Variants in FOXE3 observed in about 807,000 individuals in gnomAD.
FOXE3 encodes the protein forkhead box protein E3.
For missense variants in FOXE3, 520 were observed against 507.8 expected, an observed-to-expected ratio of 1.02 and a Z score of -0.23; for synonymous variants, 274 against 258.3, an observed-to-expected ratio of 1.06 and a Z score of -0.58.
chr1:47,417,003 G>T lies in FOXE3; in HGVS notation c.688G>T (p.Ala230Ser). 7.4e-7 allele frequency: 1 copy of T among 1,346,928 alleles called. No homozygotes were observed. Among genetic ancestry groups the T allele is most frequent in the Non-Finnish European group, 9.6e-7 (1 of 1,043,470 alleles). 83.4% of individuals were successfully genotyped at this position (1,346,928 alleles called of 1,614,324 possible). A position where few individuals can be genotyped will look rare whatever the true frequency, so the allele number is the denominator to read the frequency against. The part of the protein sequence containing the change: ...DSLVNLQPEL[A>S]GLGAPEPPCC... ...CCTGGTGAACCTGCAGCCGGAGCTA[G>T]CGGGGCTGGGCGCCCCCGAGCCGCC... Residue 230 changes from alanine (A) to serine (S), a missense_variant, in exon 1 of 1, where the codon GCG (alanine) becomes TCG (serine). By Grantham distance (99) the Ala-to-Ser change is moderately conservative. Transcript: ENST00000335071. This position sits in a 1 kb window ranked among gnomAD's most constrained non-coding sequence, Gnocchi z 4.3.
chr1:47,417,392 C>A lies in FOXE3; in HGVS notation c.*117C>A. 1 of 845,576 alleles carries A rather than the reference C, an allele frequency of 1.2e-6. No individual in the cohort carries two copies. Among genetic ancestry groups the A allele is most frequent in the Non-Finnish European group, 1.6e-6 (1 of 626,442 alleles). 52.4% of individuals were successfully genotyped at this position (845,576 alleles called of 1,614,324 possible). A position where few individuals can be genotyped will look rare whatever the true frequency, so the allele number is the denominator to read the frequency against. On this transcript the variant is annotated 3_prime_UTR_variant, in exon 1 of 1. Transcript: ENST00000335071. This position sits in a 1 kb window ranked among gnomAD's most constrained non-coding sequence, Gnocchi z 4.3. ...TTGGAGCACACCCTGCGCCTCTCGTCGTGGCCTCCTGGACTCAAACTCCTG... is the reference window on the plus strand; with the variant it reads ...TTGGAGCACACCCTGCGCCTCTCGTAGTGGCCTCCTGGACTCAAACTCCTG...
chr1:47,417,287 G>C lies in FOXE3; in HGVS notation c.*12G>C. On this transcript the variant is annotated 3_prime_UTR_variant, in exon 1 of 1. Coordinates refer to ENST00000335071, the MANE Select transcript of FOXE3 (RefSeq NM_012186.3). The surrounding 1 kb of genome is among the most constrained non-coding windows in gnomAD (Gnocchi z 4.3). ...AGCGCTACCTGTGAGCCTGCGCCGC[G>C]CGGGCAGGCACCTGTGCGACCTGTG... 1 of 1,343,728 alleles carries C rather than the reference G, an allele frequency of 7.4e-7. No individual in the cohort carries two copies. The highest frequency in any genetic ancestry group is 9.5e-7 in the Non-Finnish European group (1 of 1,048,328). 83.2% of individuals were successfully genotyped at this position (1,343,728 alleles called of 1,614,324 possible).
rs2124043930 is a variant in FOXE3, at chr1:47,417,000, C to A, written c.685C>A (p.Leu229Ile). The change falls in exon 1 of 1, where the codon CTA (leucine) becomes ATA (isoleucine). Residue 229 changes from leucine (L) to isoleucine (I), a missense_variant. Physicochemically the swap from Leu to Ile is conservative, Grantham distance 5. Transcript: ENST00000335071. This position sits in a 1 kb window ranked among gnomAD's most constrained non-coding sequence, Gnocchi z 4.2. ...CAGCCTGGTGAACCTGCAGCCGGAGCTAGCGGGGCTGGGCGCCCCCGAGCC... is the reference window on the plus strand; with the variant it reads ...CAGCCTGGTGAACCTGCAGCCGGAGATAGCGGGGCTGGGCGCCCCCGAGCC... ...VDSLVNLQPE[L>I]AGLGAPEPPC... The A allele has an allele frequency of 1.5e-6, 2 of 1,352,102 alleles. No individual in the cohort carries two copies. Among genetic ancestry groups the A allele is most frequent in the Non-Finnish European group, 1.9e-6 (2 of 1,045,838 alleles). The allele number at this position is 1,352,102 out of a possible 1,614,324, so 83.8% of individuals were successfully genotyped here. A position where few individuals can be genotyped will look rare whatever the true frequency, so the allele number is the denominator to read the frequency against.
In FOXE3 at chr1:47,417,410, A is replaced by G; in HGVS notation, c.*135A>G. ...CTCTCGTCGTGGCCTCCTGGACTCAAACTCCTGCTACATCCTTCTCCGTCC... is the reference window on the plus strand; with the variant it reads ...CTCTCGTCGTGGCCTCCTGGACTCAGACTCCTGCTACATCCTTCTCCGTCC... On this transcript the variant is annotated 3_prime_UTR_variant, in exon 1 of 1. Transcript: ENST00000335071. The surrounding 1 kb of genome is among the most constrained non-coding windows in gnomAD (Gnocchi z 4.3). The G allele has an allele frequency of 1.6e-6, 1 of 624,026 alleles. No homozygotes were observed. The highest frequency in any genetic ancestry group is 5.2e-4 in the Middle Eastern group (1 of 1,910). The allele number at this position is 624,026 out of a possible 1,614,324, so 38.7% of individuals were successfully genotyped here.
At position 47,416,625 on chromosome 1, in the gene FOXE3, C is replaced by T. The variant is rs755377651; in HGVS notation, c.310C>T (p.Arg104Cys). Residue 104 changes from arginine to cysteine, a missense_variant, in exon 1 of 1, where the codon CGC becomes TGC. By Grantham distance (180) the Arg-to-Cys change is radical. Transcript: ENST00000335071. This position sits in a 1 kb window ranked among gnomAD's most constrained non-coding sequence, Gnocchi z 4.2. Reference protein sequence around the residue: ...LAAIYRFITERFAFYRDSPRK... With the variant: ...LAAIYRFITECFAFYRDSPRK... ...CGCCATCTACCGCTTCATCACCGAA[C>T]GCTTTGCCTTCTACCGCGACAGCCC... 1.9e-6 allele frequency: 3 copies of T among 1,610,446 alleles called. No homozygotes were observed. The highest frequency in any genetic ancestry group is 2.5e-6 in the Non-Finnish European group (3 of 1,178,246).
chr1:47,416,933 C>A lies in FOXE3; in HGVS notation c.618C>A (p.Ala206=). 7.6e-7 allele frequency: 1 copy of A among 1,323,096 alleles called. No homozygotes were observed. The highest frequency in any genetic ancestry group is 9.7e-7 in the Non-Finnish European group (1 of 1,028,770). 82.0% of individuals were successfully genotyped at this position (1,323,096 alleles called of 1,614,324 possible). A position where few individuals can be genotyped will look rare whatever the true frequency, so the allele number is the denominator to read the frequency against. Residue 206 remains alanine (A), a synonymous_variant, in exon 1 of 1, where the codon GCC becomes GCA. Coordinates refer to ENST00000335071, the MANE Select transcript of FOXE3 (RefSeq NM_012186.3). The surrounding 1 kb of genome is among the most constrained non-coding windows in gnomAD (Gnocchi z 4.2). ...GPALLVPPPS[A]GPGPSPPARL... Reference sequence around the variant, plus strand: ...CGCTGCTGGTGCCGCCGCCTTCTGCCGGACCGGGCCCCTCGCCGCCCGCGC... The same window carrying A: ...CGCTGCTGGTGCCGCCGCCTTCTGCAGGACCGGGCCCCTCGCCGCCCGCGC...
chr1:47,417,033 T>C lies in FOXE3; in HGVS notation c.718T>C (p.Cys240Arg). The change falls in exon 1 of 1, where the codon TGC becomes CGC. Residue 240 changes from cysteine (C) to arginine (R), a missense_variant. Physicochemically the swap from Cys to Arg is radical, Grantham distance 180. Transcript: ENST00000335071. The surrounding 1 kb of genome is among the most constrained non-coding windows in gnomAD (Gnocchi z 4.3). Reference sequence around the variant, plus strand: ...GCTGGGCGCCCCCGAGCCGCCCTGCTGCGCCGCGCCCGACGCCGCAGCCGC... The same window carrying C: ...GCTGGGCGCCCCCGAGCCGCCCTGCCGCGCCGCGCCCGACGCCGCAGCCGC... ...AGLGAPEPPC[C>R]AAPDAAAAAF... 7.6e-7 allele frequency: 1 copy of C among 1,322,854 alleles called. No individual in the cohort carries two copies. Among genetic ancestry groups the C allele is most frequent in the Non-Finnish European group, 9.7e-7 (1 of 1,035,798 alleles). 81.9% of individuals were successfully genotyped at this position (1,322,854 alleles called of 1,614,324 possible).
Position 47,417,406 on chromosome 1 carries a change from C to T in FOXE3, c.*131C>T. 1.5e-6 allele frequency: 1 copy of T among 662,926 alleles called. No individual in the cohort carries two copies. 41.1% of individuals were successfully genotyped at this position (662,926 alleles called of 1,614,324 possible). On this transcript the variant is annotated 3_prime_UTR_variant, in exon 1 of 1. Transcript: ENST00000335071. This position sits in a 1 kb window ranked among gnomAD's most constrained non-coding sequence, Gnocchi z 4.3. ...GCGCCTCTCGTCGTGGCCTCCTGGA[C>T]TCAAACTCCTGCTACATCCTTCTCC...
In FOXE3 at chr1:47,416,381, C is replaced by A; in HGVS notation, c.66C>A (p.Val22=). The A allele has an allele frequency of 1.5e-6, 2 of 1,344,856 alleles. No homozygotes were observed. Among genetic ancestry groups the A allele is most frequent in the South Asian group, 3.5e-5 (2 of 56,550 alleles). 83.3% of individuals were successfully genotyped at this position (1,344,856 alleles called of 1,614,324 possible). A position where few individuals can be genotyped will look rare whatever the true frequency, so the allele number is the denominator to read the frequency against. The change falls in exon 1 of 1, where the codon GTC becomes GTA. Residue 22 remains valine (V), a synonymous_variant. Coordinates refer to ENST00000335071, the MANE Select transcript of FOXE3 (RefSeq NM_012186.3). This position sits in a 1 kb window ranked among gnomAD's most constrained non-coding sequence, Gnocchi z 4.2. ...AFSGFPALPA[V]APSGPPPSPL... ...CTGGCTTCCCTGCCCTGCCAGCGGTCGCGCCGTCGGGGCCGCCGCCGTCGC... is the reference window on the plus strand; with the variant it reads ...CTGGCTTCCCTGCCCTGCCAGCGGTAGCGCCGTCGGGGCCGCCGCCGTCGC...
Position 47,416,289 on chromosome 1 carries a change from C to T in FOXE3, c.-27C>T. On this transcript the variant is annotated 5_prime_UTR_variant, in exon 1 of 1. Transcript: ENST00000335071. This position sits in a 1 kb window ranked among gnomAD's most constrained non-coding sequence, Gnocchi z 4.2. ...GTCGGCGGCCCCTGCGGTCCCGGAGCCGCGCGGGCAGGGGCTGCCGCAGCC... is the reference window on the plus strand; with the variant it reads ...GTCGGCGGCCCCTGCGGTCCCGGAGTCGCGCGGGCAGGGGCTGCCGCAGCC... 3 of 1,272,478 alleles carry T rather than the reference C, an allele frequency of 2.4e-6. No homozygotes were observed. The highest frequency in any genetic ancestry group is 2.0e-6 in the Non-Finnish European group (2 of 1,010,174). 78.8% of individuals were successfully genotyped at this position (1,272,478 alleles called of 1,614,324 possible). A position where few individuals can be genotyped will look rare whatever the true frequency, so the allele number is the denominator to read the frequency against.
In FOXE3 at chr1:47,417,171, C is replaced by T. The variant is rs1415571044; in HGVS notation, c.856C>T (p.Leu286Phe). The T allele has an allele frequency of 1.4e-6, 2 of 1,391,524 alleles. No homozygotes were observed. Among genetic ancestry groups the T allele is most frequent in the South Asian group, 1.6e-5 (1 of 62,802 alleles). 86.2% of individuals were successfully genotyped at this position (1,391,524 alleles called of 1,614,324 possible). ...PGPGPLPAEP[L>F]LALAGPAAAL... ...CCCCGGCCCGCTGCCCGCTGAGCCC[C>T]TCCTGGCCTTGGCCGGGCCGGCAGC... is the stretch of plus-strand genomic sequence containing the variant. Residue 286 changes from leucine (L) to phenylalanine (F), a missense_variant, in exon 1 of 1, where the codon CTC (leucine) becomes TTC (phenylalanine). Transcript: ENST00000335071. This position sits in a 1 kb window ranked among gnomAD's most constrained non-coding sequence, Gnocchi z 4.3.
At position 47,417,395 on chromosome 1, in the gene FOXE3, G is replaced by C; in HGVS notation, c.*120G>C. The C allele has an allele frequency of 1.2e-6, 1 of 820,492 alleles. No individual in the cohort carries two copies. Among genetic ancestry groups the C allele is most frequent in the Non-Finnish European group, 1.7e-6 (1 of 603,900 alleles). 50.8% of individuals were successfully genotyped at this position (820,492 alleles called of 1,614,324 possible). A position where few individuals can be genotyped will look rare whatever the true frequency, so the allele number is the denominator to read the frequency against. On this transcript the variant is annotated 3_prime_UTR_variant, in exon 1 of 1. Transcript: ENST00000335071. The surrounding 1 kb of genome is among the most constrained non-coding windows in gnomAD (Gnocchi z 4.3). The stretch of plus-strand genomic sequence containing the variant: ...GAGCACACCCTGCGCCTCTCGTCGT[G>C]GCCTCCTGGACTCAAACTCCTGCTA...
At position 47,417,110 on chromosome 1, in the gene FOXE3, C is replaced by T. The variant is rs1452905558; in HGVS notation, c.795C>T (p.Val265=). The T allele has an allele frequency of 7.1e-6, 10 of 1,399,844 alleles. No homozygotes were observed. In the East Asian group the frequency reaches 2.9e-4, roughly 41 times the overall value. The allele number at this position is 1,399,844 out of a possible 1,614,324, so 86.7% of individuals were successfully genotyped here. Residue 265 remains valine, a synonymous_variant, in exon 1 of 1, where the codon GTC becomes GTT. Transcript: ENST00000335071. The surrounding 1 kb of genome is among the most constrained non-coding windows in gnomAD (Gnocchi z 4.3). The part of the protein sequence containing the change: ...AAASPPLYSQ[V]PDRLVLPATR... ...CCTCCCCGCCACTCTACTCGCAGGT[C>T]CCCGACCGCCTGGTACTGCCCGCGA...
chr1:47,416,773 A>G lies in FOXE3; in HGVS notation c.458A>G (p.Asp153Gly), dbSNP rs1211039273. The G allele has an allele frequency of 6.3e-7, 1 of 1,599,486 alleles. No homozygotes were observed. The highest frequency in any genetic ancestry group is 2.3e-5 in the East Asian group (1 of 43,438). Residue 153 changes from aspartate to glycine, a missense_variant, in exon 1 of 1, where the codon GAC (aspartate) becomes GGC (glycine). Physicochemically the swap from Asp to Gly is moderately conservative, Grantham distance 94 (BLOSUM62 -1). Transcript: ENST00000335071. The surrounding 1 kb of genome is among the most constrained non-coding windows in gnomAD (Gnocchi z 4.2). Reference sequence around the variant, plus strand: ...TGGACGCTGGACCCCGCGGCCGCAGACATGTTCGACAACGGCAGCTTCCTG... The same window carrying G: ...TGGACGCTGGACCCCGCGGCCGCAGGCATGTTCGACAACGGCAGCTTCCTG... ...NYWTLDPAAA[D>G]MFDNGSFLRR...
rs1646891446 is a variant in FOXE3, at chr1:47,417,282, G to C, written c.*7G>C. 2 of 1,345,602 alleles carry C rather than the reference G, an allele frequency of 1.5e-6. No homozygotes were observed. Among genetic ancestry groups the C allele is most frequent in the Non-Finnish European group, 1.9e-6 (2 of 1,049,326 alleles). 83.4% of individuals were successfully genotyped at this position (1,345,602 alleles called of 1,614,324 possible). A position where few individuals can be genotyped will look rare whatever the true frequency, so the allele number is the denominator to read the frequency against. Reference sequence around the variant, plus strand: ...GCTGGAGCGCTACCTGTGAGCCTGCGCCGCGCGGGCAGGCACCTGTGCGAC... The same window carrying C: ...GCTGGAGCGCTACCTGTGAGCCTGCCCCGCGCGGGCAGGCACCTGTGCGAC... On this transcript the variant is annotated 3_prime_UTR_variant, in exon 1 of 1. Transcript: ENST00000335071. This position sits in a 1 kb window ranked among gnomAD's most constrained non-coding sequence, Gnocchi z 4.3.
At position 47,417,431 on chromosome 1, in the gene FOXE3, C is replaced by T; in HGVS notation, c.*156C>T. The stretch of plus-strand genomic sequence containing the variant: ...CTCAAACTCCTGCTACATCCTTCTC[C>T]GTCCCCCATCCCTGGGGAGGCTCCC... On this transcript the variant is annotated 3_prime_UTR_variant, in exon 1 of 1. Coordinates refer to ENST00000335071, the MANE Select transcript of FOXE3 (RefSeq NM_012186.3). The surrounding 1 kb of genome is among the most constrained non-coding windows in gnomAD (Gnocchi z 4.3). 1 of 513,012 alleles carries T rather than the reference C, an allele frequency of 1.9e-6. No individual in the cohort carries two copies. The highest frequency in any genetic ancestry group is 3.1e-6 in the Non-Finnish European group (1 of 322,438). The allele number at this position is 513,012 out of a possible 1,614,324, so 31.8% of individuals were successfully genotyped here.
At position 47,416,865 on chromosome 1, in the gene FOXE3, C is replaced by G; in HGVS notation, c.550C>G (p.Leu184Val). Residue 184 changes from leucine (L) to valine (V), a missense_variant, in exon 1 of 1, where the codon CTC becomes GTC. Coordinates refer to ENST00000335071, the MANE Select transcript of FOXE3 (RefSeq NM_012186.3). The surrounding 1 kb of genome is among the most constrained non-coding windows in gnomAD (Gnocchi z 4.2). ...AHAAAAPGPP[L>V]PFPYAPYAPA... ...CGCGGCCGCGGCGCCAGGGCCGCCG[C>G]TCCCCTTCCCCTACGCGCCCTACGC... is the stretch of plus-strand genomic sequence containing the variant. 1 of 1,403,046 alleles carries G rather than the reference C, an allele frequency of 7.1e-7. No homozygotes were observed. The allele number at this position is 1,403,046 out of a possible 1,614,324, so 86.9% of individuals were successfully genotyped here. A position where few individuals can be genotyped will look rare whatever the true frequency, so the allele number is the denominator to read the frequency against.
In FOXE3 at chr1:47,416,882, G is replaced by A; in HGVS notation, c.567G>A (p.Ala189=). 7.5e-7 allele frequency: 1 copy of A among 1,325,848 alleles called. No individual in the cohort carries two copies. Among genetic ancestry groups the A allele is most frequent in the Non-Finnish European group, 9.7e-7 (1 of 1,034,334 alleles). 82.1% of individuals were successfully genotyped at this position (1,325,848 alleles called of 1,614,324 possible). The change falls in exon 1 of 1, where the codon GCG becomes GCA. Residue 189 remains alanine (A), a synonymous_variant. Coordinates refer to ENST00000335071, the MANE Select transcript of FOXE3 (RefSeq NM_012186.3). This position sits in a 1 kb window ranked among gnomAD's most constrained non-coding sequence, Gnocchi z 4.2. The stretch of plus-strand genomic sequence containing the variant: ...GGCCGCCGCTCCCCTTCCCCTACGC[G>A]CCCTACGCGCCCGCGCCCGGCCCCG... ...APGPPLPFPY[A]PYAPAPGPAL...
In FOXE3 at chr1:47,416,820, C is replaced by G; in HGVS notation, c.505C>G (p.Arg169Gly). ...SFLRRRKRFKRAELPAHAAAA... is the reference protein window; with the variant it reads ...SFLRRRKRFKGAELPAHAAAA... ...CCTGCGGCGCCGCAAGCGCTTCAAG[C>G]GCGCCGAGCTGCCCGCGCACGCGGC... Residue 169 changes from arginine to glycine, a missense_variant, in exon 1 of 1, where the codon CGC becomes GGC. Transcript: ENST00000335071. The surrounding 1 kb of genome is among the most constrained non-coding windows in gnomAD (Gnocchi z 4.2). 1 of 1,553,220 alleles carries G rather than the reference C, an allele frequency of 6.4e-7. No individual in the cohort carries two copies. The highest frequency in any genetic ancestry group is 8.7e-7 in the Non-Finnish European group (1 of 1,152,078).
Sources: allele counts gnomAD v4.1 joint callset, GRCh38; gene constraint gnomAD v4.1.1; non-coding constraint Gnocchi (gnomAD v3.1); transcripts MANE v1.5; gene names NCBI Gene and HGNC (gene_info 2026-07-23, HGNC 2026-07-21).